Variants in DGAT2L6 observed in about 807,000 individuals in gnomAD.
DGAT2L6 encodes diacylglycerol O-acyltransferase 2-like protein 6.
Under a neutral mutation model 25.5 loss-of-function variants are expected in DGAT2L6, and 22 were observed. The observed-to-expected ratio is 0.86, with a 90% CI of 0.62 to 1.23. DGAT2L6 has a LOEUF of 1.23. DGAT2L6 is among the 50% of genes most tolerant of loss of function. The pLI is 0.00. For missense variants in DGAT2L6, 287 were observed against 253.2 expected (o/e 1.13, Z -0.91); for synonymous variants, 100 against 94.7 (o/e 1.06, Z -0.32).
At chrX:70,203,716 G>A (rs1288540322) in intron 5 of DGAT2L6, among the ~76,000 whole-genome samples, 1 of 110,877 alleles carries the variant, frequency 9.0e-6, no homozygotes, top group African/African-American at 3.3e-5. Context: ...CCTAATCCGC[G>A]TTGGGGGAAA....
intron 1 of DGAT2L6, among the ~76,000 whole-genome samples, chrX:70,177,958 C>G (rs970170806): frequency 5.7e-5 from 6 of 104,435 alleles, no homozygotes; most frequent in African/African-American, 2.2e-4. Flanking sequence ...GAAATCTCGT[C>G]TCTACTGAAA....
intron 1 of DGAT2L6, among the ~76,000 whole-genome samples, chrX:70,179,722 C>T (rs1259118870): frequency 9.2e-6 from 1 of 108,696 alleles, no homozygotes; most frequent in Non-Finnish European, 1.9e-5. Context: ...TGTGTGCCAC[C>T]ACGCACAGCT....
At chrX:70,177,766 C>T in intron 1 of DGAT2L6, 99 bp downstream of exon 1, 1 of 731,189 alleles carries the variant, frequency 1.4e-6, no homozygotes, top group Non-Finnish European at 2.1e-6. Context: ...TCTGGGTGAT[C>T]TCCACCCTCT....
chrX:70,202,212 G>A (rs775292059), intron 5 of DGAT2L6, 148 bp downstream of exon 5: 44 of 470,950 alleles, frequency 9.3e-5, no homozygotes, highest in Non-Finnish European at 1.3e-4. Flanking sequence ...TTGTGCCTTA[G>A]GGATGTTTGG....
chrX:70,204,505 T>C lies in DGAT2L6; in HGVS notation c.848T>C (p.Ile283Thr), dbSNP rs1447469682. 2.5e-5 allele frequency: 30 copies of C among 1,208,553 alleles called. No individual in the cohort carries two copies. The highest frequency in any genetic ancestry group is 3.2e-5 in the Non-Finnish European group (29 of 894,966). Residue 283 changes from isoleucine to threonine, a missense_variant, in exon 6 of 7, where the codon ATT (isoleucine) becomes ACT (threonine). Coordinates refer to ENST00000333026, the MANE Select transcript of DGAT2L6 (RefSeq NM_198512.3). ...GGCTTCCTGCCTTTCAATCGGCCCA[T>C]TACCACTGTTGGTGAGCTTTCCCTT... ...SWGFLPFNRP[I>T]TTVVGEPLPI...
chrX:70,193,142 C>G (rs1379086950), intron 1 of DGAT2L6, among the ~76,000 whole-genome samples: 1 of 110,301 alleles, frequency 9.1e-6, no homozygotes, highest in Non-Finnish European at 1.9e-5. Context: ...TGAGACCAGC[C>G]TGGCCAACAT....
Position 70,199,960 on chromosome X carries a change from G to A in DGAT2L6, c.267+78G>A, listed in dbSNP as rs1319708054. The A allele has an allele frequency of 8.9e-6, 9 of 1,005,600 alleles. No individual in the cohort carries two copies. In the Admixed American group the frequency reaches 2.0e-4, roughly 23 times the overall value. The allele number at this position is 1,005,600 out of a possible 1,213,427, so 82.9% of individuals were successfully genotyped here. ...CCCTACTCAGCTCCATGTTTTCAGA[G>A]GCTTTGGTGGTCAGCAGCGAAGGTC... On this transcript the variant is annotated intron_variant, in intron 3 of 6. Coordinates refer to ENST00000333026, the MANE Select transcript of DGAT2L6 (RefSeq NM_198512.3).
intron 1 of DGAT2L6, among the ~76,000 whole-genome samples, chrX:70,193,667 G>A (rs1344875058): frequency 2.7e-5 from 3 of 111,827 alleles, no homozygotes; most frequent in African/African-American, 6.5e-5. Context: ...ATCTCAATAG[G>A]TGCAGAAAAA....
intron 1 of DGAT2L6, among the ~76,000 whole-genome samples, chrX:70,192,856 A>G (rs55827940): frequency 0.19 from 20,882 of 111,117 alleles, 1,695 homozygotes; most frequent in South Asian, 0.32. Flanking sequence ...AATAAAAGAG[A>G]AGACATTACA....
At chrX:70,202,097 G>C in intron 5 of DGAT2L6, 33 bp downstream of exon 5, 4 of 1,123,394 alleles carry the variant, frequency 3.6e-6, no homozygotes, top group Non-Finnish European at 4.7e-6. Context: ...TCTGTTGTCA[G>C]GGTGCCATAG....
chrX:70,190,419 T>C (rs1052692952), intron 1 of DGAT2L6, among the ~76,000 whole-genome samples: 59 of 101,258 alleles, frequency 5.8e-4, no homozygotes, highest in Admixed American at 2.5e-3. Flanking sequence ...AAAACTCTAG[T>C]AGAGTCCAAC....
intron 1 of DGAT2L6, among the ~76,000 whole-genome samples, chrX:70,197,124 GA>G (rs2085394773): frequency 9.0e-6 from 1 of 111,551 alleles, no homozygotes; most frequent in African/African-American, 3.3e-5. Context: ...CGTGACAAGA[GA>G]AATTGGAACC....
At chrX:70,200,131 C>A in intron 3 of DGAT2L6, 124 bp from the exon 4 acceptor site, 1 of 720,272 alleles carries the variant, frequency 1.4e-6, no homozygotes, top group Admixed American at 2.9e-5. Context: ...ACAATGATGA[C>A]AACCTAGTGA....
intron 1 of DGAT2L6, among the ~76,000 whole-genome samples, chrX:70,197,411 T>C (rs912225668): frequency 3.6e-5 from 4 of 111,857 alleles, no homozygotes; most frequent in African/African-American, 1.3e-4. Context: ...GCAGTTCCAA[T>C]AGGTTCCACA....
At chrX:70,202,527 G>C (rs913824359) in intron 5 of DGAT2L6, among the ~76,000 whole-genome samples, 2 of 112,185 alleles carry the variant, frequency 1.8e-5, no homozygotes, top group Non-Finnish European at 3.8e-5. Context: ...ATCAGGCATA[G>C]TACTAGGCAT....
chrX:70,182,469 CT>C (rs1171530335), intron 1 of DGAT2L6, among the ~76,000 whole-genome samples: 421 of 49,096 alleles, frequency 8.6e-3, no homozygotes, highest in African/African-American at 0.02. Context: ...TCAAAAGCAT[CT>C]TTTTTTTTTT....
At chrX:70,179,356 C>T (rs2085336128) in intron 1 of DGAT2L6, among the ~76,000 whole-genome samples, 1 of 111,104 alleles carries the variant, frequency 9.0e-6, no homozygotes, top group Admixed American at 9.7e-5. Context: ...AGTTCTGACC[C>T]TCAGCCAGGA....
intron 1 of DGAT2L6, among the ~76,000 whole-genome samples, chrX:70,196,763 A>T (rs1270145733): frequency 9.0e-6 from 1 of 111,292 alleles, no homozygotes; most frequent in East Asian, 2.8e-4. Context: ...AGACAAAAAA[A>T]CTTATATCCA....
At chrX:70,201,254 G>A (rs970988477) in intron 4 of DGAT2L6, among the ~76,000 whole-genome samples, 32 of 112,491 alleles carry the variant, frequency 2.8e-4, no homozygotes, top group Non-Finnish European at 1.1e-4. Flanking sequence ...GAGTCTGGAG[G>A]CAATTTCTGC....
Sources: gnomAD v4.1 joint callset for allele counts (sites outside exome capture counted in the v4.1 genomes callset) on GRCh38, gnomAD v4.1.1 for gene constraint, MANE v1.5 for transcripts, NCBI Gene and HGNC (gene_info 2026-07-23, HGNC 2026-07-21) for gene names.